ARL17B: variants seen among roughly 807,000 people sequenced by gnomAD.
ARL17B encodes the protein ARF like GTPase 17B.
chr17:46,287,909 A>G (rs1213542199), intron 4 of ARL17B, among the ~76,000 whole-genome samples: 1 of 152,258 alleles, frequency 6.6e-6, no homozygotes. Flanking sequence ...AAACGCTTAT[A>G]CAGTGTGTCT....
chr17:46,290,271 C>G (rs2050031168), intron 4 of ARL17B, among the ~76,000 whole-genome samples: 1 of 152,142 alleles, frequency 6.6e-6, no homozygotes, highest in African/African-American at 2.4e-5. Flanking sequence ...GCTGAGACTA[C>G]AGGTGTGCAT....
chr17:46,287,083 A>C (rs1252844638), intron 4 of ARL17B, among the ~76,000 whole-genome samples: 1 of 152,238 alleles, frequency 6.6e-6, no homozygotes, highest in Admixed American at 6.5e-5. Flanking sequence ...GCTATGAGTC[A>C]GCTAAACATT....
chr17:46,289,114 G>A (rs2049998707), intron 4 of ARL17B, among the ~76,000 whole-genome samples: 2 of 152,166 alleles, frequency 1.3e-5, no homozygotes, highest in Admixed American at 1.3e-4. Context: ...ATTACCCTAG[G>A]GACAAACCCA....
At chr17:46,288,438 A>G (rs2469919) in intron 4 of ARL17B, among the ~76,000 whole-genome samples, 18,437 of 150,228 alleles carry the variant, frequency 0.12, 3 homozygotes, top group Non-Finnish European at 0.18. Flanking sequence ...CTTCCCAAGT[A>G]GCTGGGATTA....
chr17:46,282,893 C>T (rs1165463866), intron 4 of ARL17B, among the ~76,000 whole-genome samples: 5 of 152,260 alleles, frequency 3.3e-5, no homozygotes, highest in Admixed American at 2.0e-4. Context: ...CCGAAGCGAG[C>T]GGATCACCTG....
chr17:46,279,222 C>T (rs1461992769), intron 4 of ARL17B, among the ~76,000 whole-genome samples: 6 of 132,758 alleles, frequency 4.5e-5, no homozygotes, highest in Admixed American at 8.2e-5. Flanking sequence ...CTCGCTCTGT[C>T]GCCTAGGCTG....
rs1430878078 is a variant in ARL17B at position 46,307,852 on chromosome 17, A to C, written c.260-8187T>G. Among the ~76,000 whole-genome samples the C allele has an allele frequency of 6.5e-5, 5 of 77,450 alleles. 2 individuals carry two copies. Among genetic ancestry groups the C allele is most frequent in the Non-Finnish European group, 1.9e-4 (5 of 25,648 alleles). The allele number at this position is 77,450 out of a possible 152,430, so 50.8% of individuals were successfully genotyped here. On this transcript the variant is annotated intron_variant, in intron 3 of 4. Coordinates refer to the ARL17B transcript ENST00000434041. ...ACATGGTGAAACCTGTCTCTACTAA[A>C]AATACAAAAATTAGGTGGGCATGGT...
At chr17:46,294,053 A>C (rs2143494995) in intron 4 of ARL17B, 1 of 77,880 alleles carries the variant, frequency 1.3e-5, no homozygotes, top group East Asian at 2.6e-4. Context: ...CACCTGGCTA[A>C]TTTTGTATTT....
intron 4 of ARL17B, among the ~76,000 whole-genome samples, chr17:46,275,740 GGT>G (rs1420602395): frequency 2.0e-5 from 3 of 152,280 alleles, no homozygotes; most frequent in Non-Finnish European, 4.4e-5. Flanking sequence ...TGTGGTGAAA[GGT>G]GCGTGTGTGT....
At chr17:46,277,949 AT>A (rs111652778) in intron 4 of ARL17B, among the ~76,000 whole-genome samples, 21,712 of 148,524 alleles carry the variant, frequency 0.15, 1,884 homozygotes, top group Middle Eastern at 0.23. Flanking sequence ...GTCTGGGTAG[AT>A]TTTTTTTCTT....
intron 3 of ARL17B, among the ~76,000 whole-genome samples, chr17:46,327,955 C>T (rs1390379886): frequency 1.5e-5 from 1 of 65,204 alleles, no homozygotes; most frequent in African/African-American, 3.5e-5. Context: ...TTTTTAACTC[C>T]GCAATCCAGG....
chr17:46,285,964 T>A (rs377341459), intron 4 of ARL17B, among the ~76,000 whole-genome samples: 2 of 149,140 alleles, frequency 1.3e-5, no homozygotes, highest in East Asian at 3.8e-4. Flanking sequence ...GTGAGCACTG[T>A]CATGACATCC....
intron 4 of ARL17B, among the ~76,000 whole-genome samples, chr17:46,288,706 C>CTTTTTTTTTTTTTTTTTTTTTTTTTT (rs199591277): frequency 7.2e-6 from 1 of 139,060 alleles, no homozygotes. Context: ...CTTGTTTTTT[C>CTTTTTTTTTTTTTTTTTTTTTTTTTT]TTTTTTTTTT....
chr17:46,276,249 CTTTATATTGCAATAGCAGATAAA>C (rs1459618590), intron 4 of ARL17B, among the ~76,000 whole-genome samples: 2 of 152,336 alleles, frequency 1.3e-5, no homozygotes, highest in South Asian at 2.1e-4. Context: ...AGTCAAAGGA[CTTTATATTGCAATAGCAGATAAA>C]TTTATATTGC....
At chr17:46,343,537 C>CATA (rs1567889037) in intron 3 of ARL17B, among the ~76,000 whole-genome samples, 2 of 133,948 alleles carry the variant, frequency 1.5e-5, no homozygotes, top group African/African-American at 6.1e-5. Flanking sequence ...GTGCGCTGTG[C>CATA]GTTATCTGTA....
At chr17:46,279,500 CTTTT>C (rs369361891) in intron 4 of ARL17B, among the ~76,000 whole-genome samples, 5 of 122,462 alleles carry the variant, frequency 4.1e-5, no homozygotes, top group Non-Finnish European at 4.9e-5. Flanking sequence ...TTCTTTCTTT[CTTTT>C]TTTTTTTTTT....
intron 4 of ARL17B, among the ~76,000 whole-genome samples, chr17:46,282,437 C>G (rs1360489127): frequency 1.3e-5 from 2 of 148,898 alleles, no homozygotes; most frequent in African/African-American, 4.9e-5. Flanking sequence ...TTTAAACAGG[C>G]AAGTTCTTGC....
intron 4 of ARL17B, among the ~76,000 whole-genome samples, chr17:46,288,048 G>T (rs1435252457): frequency 6.6e-6 from 1 of 152,126 alleles, no homozygotes; most frequent in African/African-American, 2.4e-5. Flanking sequence ...GGCATTTCTT[G>T]GTAGATTCAC....
At chr17:46,285,239 TC>T (rs1419668098) in intron 4 of ARL17B, among the ~76,000 whole-genome samples, 1 of 149,314 alleles carries the variant, frequency 6.7e-6, no homozygotes, top group African/African-American at 2.5e-5. Context: ...TTCTTTTCTT[TC>T]CTTTTTTTTT....
Sources: gnomAD v4.1 joint callset for allele counts (sites outside exome capture counted in the v4.1 genomes callset) on GRCh38, gnomAD v4.1.1 for gene constraint, MANE v1.5 for transcripts, NCBI Gene and HGNC (gene_info 2026-07-23, HGNC 2026-07-21) for gene names.